Variants in MAP4 observed in about 807,000 individuals in gnomAD.
MAP4 encodes the protein microtubule-associated protein 4.
Under a neutral mutation model 170.2 loss-of-function variants are expected in MAP4, and 76 were observed. That is an observed-to-expected ratio of 0.45 (90% CI 0.37 to 0.54). The LOEUF (loss-of-function observed/expected upper bound fraction) is 0.54. MAP4 is among the 20% of genes least tolerant of loss of function. The pLI, the probability that MAP4 is intolerant of heterozygous loss-of-function variation, is 0.00. For missense variants in MAP4, 2,506 were observed against 2,748.0 expected (o/e 0.91, Z 1.97); for synonymous variants, 909 against 994.5 (o/e 0.91, Z 1.62).
chr3:47,893,982 T>A (rs2100025464), intron 10 of MAP4, among the ~76,000 whole-genome samples: 1 of 151,670 alleles, frequency 6.6e-6, no homozygotes, highest in South Asian at 2.1e-4. Context: ...CCAACAAGAG[T>A]ACAGGGATCA....
chr3:48,082,360 T>C (rs946973535), intron 1 of MAP4, among the ~76,000 whole-genome samples: 1 of 152,244 alleles, frequency 6.6e-6, no homozygotes, highest in African/African-American at 2.4e-5. Context: ...CCACAAATTC[T>C]TTGATACTCC....
chr3:47,867,098 A>G (rs189459181), intron 17 of MAP4, 148 bp downstream of exon 17: 98 of 590,992 alleles, frequency 1.7e-4, no homozygotes, highest in Non-Finnish European at 2.6e-4. Context: ...GGGAGCATCA[A>G]GGTCCCCTCA....
chr3:47,991,289 A>C (rs2100092023), intron 2 of MAP4, among the ~76,000 whole-genome samples: 1 of 152,204 alleles, frequency 6.6e-6, no homozygotes, highest in Admixed American at 6.6e-5. Context: ...TGTGTAACCT[A>C]CTCAACCGTC....
intron 3 of MAP4, among the ~76,000 whole-genome samples, chr3:47,966,211 C>A (rs1004452255): frequency 2.2e-5 from 3 of 134,756 alleles, no homozygotes; most frequent in African/African-American, 8.2e-5. Context: ...GTAGCTGGGA[C>A]TACAGGCCCA....
At chr3:47,887,524 T>C (rs319687) in intron 10 of MAP4, among the ~76,000 whole-genome samples, 58,589 of 152,018 alleles carry the variant, frequency 0.39, 12,676 homozygotes, top group African/African-American at 0.59. Context: ...CGAGCCTCCC[T>C]GACAAGCACC....
intron 2 of MAP4, among the ~76,000 whole-genome samples, chr3:47,989,836 G>A (rs1392625278): frequency 2.6e-5 from 4 of 151,874 alleles, no homozygotes; most frequent in Non-Finnish European, 5.9e-5. Context: ...GACTTCCCCA[G>A]AGAACCCCCA....
At chr3:47,915,177 T>C (rs559004383) in intron 7 of MAP4, among the ~76,000 whole-genome samples, 7 of 151,540 alleles carry the variant, frequency 4.6e-5, no homozygotes, top group South Asian at 4.2e-4. Flanking sequence ...AGTGCAATGG[T>C]GCGATCTCGG....
At chr3:47,917,979 C>T (rs551550706) in intron 6 of MAP4, among the ~76,000 whole-genome samples, 4 of 151,848 alleles carry the variant, frequency 2.6e-5, no homozygotes, top group Non-Finnish European at 4.4e-5. Context: ...TATAGGTACA[C>T]GCCACCACGC....
At chr3:47,930,460 A>T (rs1019282896) in intron 3 of MAP4, among the ~76,000 whole-genome samples, 1 of 151,394 alleles carries the variant, frequency 6.6e-6, no homozygotes, top group Non-Finnish European at 1.5e-5. Flanking sequence ...TCAAAAAAAA[A>T]AACAAACAAA....
intron 1 of MAP4, among the ~76,000 whole-genome samples, chr3:48,023,484 G>C (rs1249098443): frequency 2.0e-5 from 3 of 152,208 alleles, no homozygotes; most frequent in East Asian, 1.9e-4. Context: ...TCAACTGAAA[G>C]ACTTTTGCTG....
chr3:47,910,287 C>T lies in MAP4; in HGVS notation c.4134G>A (p.Lys1378=), dbSNP rs376894255. Residue 1378 remains lysine (K), a synonymous_variant, in exon 9 of 21, where the codon AAG becomes AAA. Coordinates refer to ENST00000683076, the MANE Select transcript of MAP4 (RefSeq NM_001385682.1). ...CATCTATCTTATTCTCCAGAATGTG[C>T]TTCTCAGGAGAACTATTTTTAACCT... ...SKKVKNSSPE[K]HILENKIDAT... The T allele has an allele frequency of 6.3e-7, 1 of 1,597,270 alleles. No homozygotes were observed. The highest frequency in any genetic ancestry group is 8.5e-7 in the Non-Finnish European group (1 of 1,176,618).
chr3:48,008,193 G>C (rs1197173963), intron 1 of MAP4, among the ~76,000 whole-genome samples: 1 of 152,166 alleles, frequency 6.6e-6, no homozygotes, highest in Non-Finnish European at 1.5e-5. Context: ...AATTACATGA[G>C]GAAGTGGCTC....
rs542732229 is a variant in MAP4 at position 47,927,885 on chromosome 3, G to A, written c.415+343C>T. Among the ~76,000 whole-genome samples the A allele has an allele frequency of 6.6e-5, 10 of 152,274 alleles. No homozygotes were observed. The South Asian group carries it at 2.1e-3, about 32-fold the overall frequency. On this transcript the variant is annotated intron_variant, in intron 4 of 20. Transcript: ENST00000683076. ...AAATACCGATAATGTGTATATAAAG[G>A]CTCTAGCACTGTGCCTGGCACAGAA...
chr3:47,939,193 C>T (rs2100054838), intron 3 of MAP4, among the ~76,000 whole-genome samples: 1 of 152,182 alleles, frequency 6.6e-6, no homozygotes, highest in Non-Finnish European at 1.5e-5. Context: ...CTTTAATGCT[C>T]ATTTTCCACT....
At chr3:48,066,902 AC>A (rs1158035576) in intron 1 of MAP4, among the ~76,000 whole-genome samples, 1 of 117,538 alleles carries the variant, frequency 8.5e-6, no homozygotes, top group African/African-American at 3.3e-5. Context: ...GAGCAGTGGT[AC>A]GATCTCGGCT....
intron 10 of MAP4, 21 bp from the exon 11 acceptor site, chr3:47,877,544 G>A: frequency 2.6e-6 from 4 of 1,531,498 alleles, no homozygotes; most frequent in Non-Finnish European, 2.7e-6. Flanking sequence ...AGGGTGAGTG[G>A]GAATTATGCT....
chr3:47,875,533 T>C, intron 12 of MAP4, 152 bp downstream of exon 12: 1 of 748,652 alleles, frequency 1.3e-6, no homozygotes, highest in Non-Finnish European at 2.2e-6. Flanking sequence ...AGAGTAGCCA[T>C]GCCAATTTTC....
chr3:47,997,576 T>G (rs1292107895), intron 2 of MAP4, among the ~76,000 whole-genome samples: 2 of 150,736 alleles, frequency 1.3e-5, no homozygotes, highest in Non-Finnish European at 3.0e-5. Flanking sequence ...ATAAATCAAC[T>G]TAAGTAAACA....
At chr3:47,902,865 T>C in intron 10 of MAP4, 85 bp downstream of exon 10, 1 of 534,904 alleles carries the variant, frequency 1.9e-6, no homozygotes, top group Non-Finnish European at 2.4e-6. Context: ...GCTGAGCATA[T>C]TTTATTTATG....
Sources: gnomAD v4.1 joint callset for allele counts (sites outside exome capture counted in the v4.1 genomes callset) on GRCh38, gnomAD v4.1.1 for gene constraint, MANE v1.5 for transcripts, NCBI Gene and HGNC (gene_info 2026-07-23, HGNC 2026-07-21) for gene names.